The following CSRNP3 variants were observed in gnomAD, a reference collection of about 807,000 sequenced individuals.
The protein encoded by CSRNP3 is cysteine and serine rich nuclear protein 3, also known as cysteine/serine-rich nuclear protein 3.
Under a neutral mutation model 48.0 loss-of-function variants are expected in CSRNP3, and 12 were observed. The observed-to-expected ratio is 0.25, with a 90% CI of 0.16 to 0.41. The LOEUF (loss-of-function observed/expected upper bound fraction) is 0.41. Ranked by LOEUF, CSRNP3 falls within the 10% of genes least tolerant of loss-of-function variation. The probability of loss-of-function intolerance (pLI) is 1.00; values close to 1 mark genes in which losing one functional copy is unlikely to be tolerated. For missense variants in CSRNP3, 580 were observed against 724.4 expected (o/e 0.80, Z 2.29); for synonymous variants, 263 against 269.7 (o/e 0.98, Z 0.24).
chr2:165,555,722 T>C (rs888232762), intron 3 of CSRNP3, among the ~76,000 whole-genome samples: 1 of 152,176 alleles, frequency 6.6e-6, no homozygotes, highest in African/African-American at 2.4e-5. Flanking sequence ...TATCCCAGTT[T>C]TGTGAATTCA....
At chr2:165,533,550 T>C (rs1178186976) in intron 3 of CSRNP3, among the ~76,000 whole-genome samples, 2 of 152,108 alleles carry the variant, frequency 1.3e-5, no homozygotes, top group Admixed American at 6.6e-5. Flanking sequence ...CAGAGGTTTA[T>C]TGATGCAGTG....
At chr2:165,601,039 A>G (rs574320959) in intron 4 of CSRNP3, among the ~76,000 whole-genome samples, 6 of 152,334 alleles carry the variant, frequency 3.9e-5, no homozygotes, top group African/African-American at 9.6e-5. Flanking sequence ...TAAGGTCATT[A>G]TGGCTTTTTC....
rs1034185178 is a variant in CSRNP3 at position 165,480,746 on chromosome 2, G to A, written c.-283+11006G>A. Among the ~76,000 whole-genome samples, 4 of 144,028 alleles carry A rather than the reference G, an allele frequency of 2.8e-5. No individual in the cohort carries two copies. The South Asian group carries it at 8.6e-4, about 31-fold the overall frequency. The allele number at this position is 144,028 out of a possible 152,430, so 94.5% of individuals were successfully genotyped here. A position where few individuals can be genotyped will look rare whatever the true frequency, so the allele number is the denominator to read the frequency against. On this transcript the variant is annotated intron_variant, in intron 1 of 6. Transcript: ENST00000651982. The stretch of plus-strand genomic sequence containing the variant: ...AAGGTATAATAAGAGATATGCACAA[G>A]TATATATATTTTATATTATATAAAA...
intron 3 of CSRNP3, among the ~76,000 whole-genome samples, chr2:165,573,715 T>C (rs150241680): frequency 0.017 from 2,599 of 152,308 alleles, 34 homozygotes; most frequent in Middle Eastern, 0.024. Context: ...TTTTACAGAA[T>C]TACTATAGTG....
chr2:165,665,446 T>C (rs554595796), intron 5 of CSRNP3, among the ~76,000 whole-genome samples: 3 of 152,302 alleles, frequency 2.0e-5, no homozygotes, highest in East Asian at 1.9e-4. Flanking sequence ...CAGAACTATA[T>C]TCTTGTCTTA....
At chr2:165,629,534 T>C (rs915392095) in intron 4 of CSRNP3, among the ~76,000 whole-genome samples, 4 of 152,200 alleles carry the variant, frequency 2.6e-5, no homozygotes, top group African/African-American at 9.7e-5. Context: ...GTTGTTTTGT[T>C]TTGTTTTCTG....
rs368703159 is a variant in CSRNP3 at position 165,666,336 on chromosome 2, AAGAGAG to A, written c.408+8322_408+8327del. Among the ~76,000 whole-genome samples, 7 of 88,962 alleles carry A rather than the reference AAGAGAG, an allele frequency of 7.9e-5. No individual in the cohort carries two copies. In the East Asian group the frequency reaches 3.6e-3, roughly 45 times the overall value. The allele number at this position is 88,962 out of a possible 152,430, so 58.4% of individuals were successfully genotyped here. A position where few individuals can be genotyped will look rare whatever the true frequency, so the allele number is the denominator to read the frequency against. On this transcript the variant is annotated intron_variant, in intron 5 of 6. Transcript: ENST00000651982. ...AAGGAAAGGGAGAGAGGAAGAAAGA[AAGAGAG>A]AGAGAAAGGAAGGAAGGAAGGAAAG...
intron 2 of CSRNP3, among the ~76,000 whole-genome samples, chr2:165,515,085 T>C (rs13426374): frequency 0.73 from 110,924 of 151,762 alleles, 41,285 homozygotes; most frequent in African/African-American, 0.87. Context: ...TTTGGGAGGC[T>C]GAGACGGGCG....
chr2:165,631,231 A>G (rs1028491215), intron 4 of CSRNP3, among the ~76,000 whole-genome samples: 1 of 152,210 alleles, frequency 6.6e-6, no homozygotes, highest in Non-Finnish European at 1.5e-5. Flanking sequence ...GACTTCAGGC[A>G]ATTGACTAGG....
intron 4 of CSRNP3, among the ~76,000 whole-genome samples, chr2:165,630,448 CAT>C (rs1686517152): frequency 6.6e-6 from 1 of 152,056 alleles, no homozygotes; most frequent in African/African-American, 2.4e-5. Context: ...TGAAATCCAC[CAT>C]ATGTTTTCCT....
intron 4 of CSRNP3, among the ~76,000 whole-genome samples, chr2:165,646,098 A>G (rs1243701831): frequency 2.0e-5 from 3 of 152,144 alleles, no homozygotes; most frequent in Non-Finnish European, 2.9e-5. Flanking sequence ...GTAAAACAGC[A>G]TAAATTAAAT....
intron 2 of CSRNP3, among the ~76,000 whole-genome samples, chr2:165,496,059 C>A (rs1037070796): frequency 2.0e-5 from 3 of 151,932 alleles, no homozygotes; most frequent in Non-Finnish European, 2.9e-5. Flanking sequence ...TATTTTTAAT[C>A]CTCCTCCCTC....
At chr2:165,530,234 A>G (rs1302624598) in intron 3 of CSRNP3, among the ~76,000 whole-genome samples, 1 of 152,188 alleles carries the variant, frequency 6.6e-6, no homozygotes, top group Non-Finnish European at 1.5e-5. Flanking sequence ...AGCTGCCCCA[A>G]TTTATATAGT....
At chr2:165,578,163 TAC>T (rs776100714) in intron 3 of CSRNP3, among the ~76,000 whole-genome samples, 3 of 152,086 alleles carry the variant, frequency 2.0e-5, no homozygotes, top group Non-Finnish European at 2.9e-5. Context: ...TGGTGCCATA[TAC>T]TTCTTGCCAA....
At chr2:165,603,843 T>C (rs1337251431) in intron 4 of CSRNP3, among the ~76,000 whole-genome samples, 1 of 152,178 alleles carries the variant, frequency 6.6e-6, no homozygotes, top group Non-Finnish European at 1.5e-5. Context: ...ACAATGTTCA[T>C]GTCTCCTCCA....
intron 3 of CSRNP3, among the ~76,000 whole-genome samples, chr2:165,554,575 A>T (rs968734932): frequency 7.9e-5 from 12 of 152,326 alleles, no homozygotes; most frequent in Admixed American, 1.3e-4. Context: ...CTTGGACTCA[A>T]GACTGTGTCC....
intron 4 of CSRNP3, among the ~76,000 whole-genome samples, chr2:165,644,631 C>T (rs181464799): frequency 6.6e-6 from 1 of 152,088 alleles, no homozygotes; most frequent in African/African-American, 2.4e-5. Flanking sequence ...AGTATCGAAG[C>T]AAGCATGCTT....
chr2:165,496,412 A>G (rs529743752), intron 2 of CSRNP3, among the ~76,000 whole-genome samples: 1 of 152,162 alleles, frequency 6.6e-6, no homozygotes, highest in Non-Finnish European at 1.5e-5. Flanking sequence ...CTACTGAGCC[A>G]TTATCTAAAA....
At chr2:165,480,429 A>G (rs564636629) in intron 1 of CSRNP3, among the ~76,000 whole-genome samples, 1 of 152,294 alleles carries the variant, frequency 6.6e-6, no homozygotes, top group South Asian at 2.1e-4. Context: ...CATGGTAGGG[A>G]ATCTTAAGGG....
Sources: gnomAD v4.1 joint callset for allele counts (sites outside exome capture counted in the v4.1 genomes callset) on GRCh38, gnomAD v4.1.1 for gene constraint, MANE v1.5 for transcripts, NCBI Gene and HGNC (gene_info 2026-07-23, HGNC 2026-07-21) for gene names.